Variants in NALF1 observed in about 807,000 individuals in gnomAD.
NALF1 encodes the protein NALCN channel auxiliary factor 1.
NALF1 carries 3 observed loss-of-function variants against 48.4 expected under a neutral mutation model. The ratio of observed to expected loss-of-function variants is 0.06; its 90% CI spans 0.03 to 0.16. NALF1 has a LOEUF of 0.16. Ranked by LOEUF, NALF1 falls within the 10% of genes least tolerant of loss-of-function variation. The pLI is 1.00. For synonymous variants in NALF1, 262 were observed against 245.7 expected (o/e 1.07, Z -0.62); for missense variants, 526 against 571.5 (o/e 0.92, Z 0.81).
chr13:107,592,573 G>A lies in NALF1; in HGVS notation c.915+273109C>T, dbSNP rs558225801. Among the ~76,000 whole-genome samples the A allele has an allele frequency of 4.0e-5, 6 of 151,894 alleles. No homozygotes were observed. In the East Asian group the frequency reaches 1.2e-3, roughly 29 times the overall value. On this transcript the variant is annotated intron_variant, in intron 1 of 2. Transcript: ENST00000375915. ...AAAAAATTAATAAATTCTACTAGCA[G>A]AATAAAAAATAGATAACTTTATTTC...
intron 1 of NALF1, among the ~76,000 whole-genome samples, chr13:107,579,653 T>G (rs542675541): frequency 7.9e-6 from 1 of 126,092 alleles, no homozygotes; most frequent in African/African-American, 3.0e-5. Context: ...CTATTTTTCT[T>G]TTTTTTTTTA....
intron 2 of NALF1, among the ~76,000 whole-genome samples, chr13:107,172,635 TATG>T (rs1878830389): frequency 6.6e-6 from 1 of 152,218 alleles, no homozygotes; most frequent in Non-Finnish European, 1.5e-5. Flanking sequence ...ATTTTTATTG[TATG>T]ATATTTTCTT....
chr13:107,273,033 C>T (rs1228475810), intron 1 of NALF1, among the ~76,000 whole-genome samples: 1 of 152,130 alleles, frequency 6.6e-6, no homozygotes, highest in Non-Finnish European at 1.5e-5. Context: ...CAGCAGAAGC[C>T]GGAAGGTCAC....
At chr13:107,535,689 C>T (rs1876783510) in intron 1 of NALF1, among the ~76,000 whole-genome samples, 1 of 152,164 alleles carries the variant, frequency 6.6e-6, no homozygotes, top group African/African-American at 2.4e-5. Flanking sequence ...CCCCATCAAG[C>T]TACCAATGAC....
intron 1 of NALF1, among the ~76,000 whole-genome samples, chr13:107,443,214 A>ATCTC (rs1555301339): frequency 2.4e-3 from 361 of 149,820 alleles, no homozygotes; most frequent in African/African-American, 8.6e-3. Flanking sequence ...CTATCTATCT[A>ATCTC]TCTATCGATA....
intron 1 of NALF1, among the ~76,000 whole-genome samples, chr13:107,678,755 T>A (rs549663939): frequency 1.2e-3 from 190 of 152,234 alleles, no homozygotes; most frequent in African/African-American, 4.5e-3. Flanking sequence ...GCTGAGTGAA[T>A]AGGGAAGAGC....
chr13:107,565,943 T>C (rs2138397335), intron 1 of NALF1, among the ~76,000 whole-genome samples: 1 of 152,312 alleles, frequency 6.6e-6, no homozygotes. Context: ...AAACGAAATG[T>C]TCCCAGTCCC....
chr13:107,623,928 G>A (rs752872259), intron 1 of NALF1, among the ~76,000 whole-genome samples: 7 of 152,158 alleles, frequency 4.6e-5, no homozygotes, highest in Non-Finnish European at 1.0e-4. Context: ...GCAAGACAGT[G>A]GATGAAAGTG....
At chr13:107,749,395 C>T (rs1190238651) in intron 1 of NALF1, among the ~76,000 whole-genome samples, 1 of 152,006 alleles carries the variant, frequency 6.6e-6, no homozygotes, top group Non-Finnish European at 1.5e-5. Flanking sequence ...CCCCGCCTAG[C>T]AAATGCAGTG....
At chr13:107,616,443 G>C (rs189241614) in intron 1 of NALF1, among the ~76,000 whole-genome samples, 2 of 152,260 alleles carry the variant, frequency 1.3e-5, no homozygotes, top group Non-Finnish European at 2.9e-5. Flanking sequence ...CAGGTTGTAA[G>C]CAGAACTTAT....
At chr13:107,311,888 G>T (rs1267189120) in intron 1 of NALF1, among the ~76,000 whole-genome samples, 2 of 152,138 alleles carry the variant, frequency 1.3e-5, no homozygotes, top group South Asian at 2.1e-4. Context: ...TCTCACACCA[G>T]TTAGAATGGC....
At chr13:107,341,845 T>C (rs1882688157) in intron 1 of NALF1, among the ~76,000 whole-genome samples, 1 of 150,858 alleles carries the variant, frequency 6.6e-6, no homozygotes, top group Non-Finnish European at 1.5e-5. Flanking sequence ...TATATACATA[T>C]ACAGACACAC....
intron 1 of NALF1, among the ~76,000 whole-genome samples, chr13:107,235,561 A>G (rs1385333917): frequency 1.3e-5 from 2 of 152,226 alleles, no homozygotes; most frequent in Admixed American, 1.3e-4. Context: ...TACTAAAAAC[A>G]AAGTAAGTTC....
At chr13:107,791,030 T>G (rs1396934421) in intron 1 of NALF1, among the ~76,000 whole-genome samples, 1 of 152,124 alleles carries the variant, frequency 6.6e-6, no homozygotes, top group Non-Finnish European at 1.5e-5. Context: ...ATGTTATTAG[T>G]CTCATATACT....
intron 1 of NALF1, among the ~76,000 whole-genome samples, chr13:107,264,856 G>A (rs78939142): frequency 0.021 from 3,140 of 152,246 alleles, 40 homozygotes; most frequent in Middle Eastern, 0.051. Flanking sequence ...AAATAGCTGC[G>A]TGCATGCTTC....
At chr13:107,325,349 C>T (rs999060266) in intron 1 of NALF1, among the ~76,000 whole-genome samples, 1 of 152,098 alleles carries the variant, frequency 6.6e-6, no homozygotes, top group African/African-American at 2.4e-5. Flanking sequence ...AATTCTTTCA[C>T]ATCTATTTTA....
At chr13:107,627,924 T>A (rs1274450893) in intron 1 of NALF1, among the ~76,000 whole-genome samples, 1 of 152,052 alleles carries the variant, frequency 6.6e-6, no homozygotes, top group Non-Finnish European at 1.5e-5. Context: ...ACTAAAAAAA[T>A]AATAATAAAT....
chr13:107,259,387 G>GA (rs2138852732), intron 1 of NALF1, among the ~76,000 whole-genome samples: 1 of 152,264 alleles, frequency 6.6e-6, no homozygotes, highest in African/African-American at 2.4e-5. Context: ...CAGAGATCAG[G>GA]AAAAACCGCA....
intron 2 of NALF1, among the ~76,000 whole-genome samples, chr13:107,175,987 ATAGG>A (rs1268908294): frequency 6.6e-6 from 1 of 152,012 alleles, no homozygotes; most frequent in Non-Finnish European, 1.5e-5. Context: ...TCACCCCCTC[ATAGG>A]TAGCATGCCT....
Sources: allele counts gnomAD v4.1 joint callset (sites outside exome capture counted in the v4.1 genomes callset), GRCh38; gene constraint gnomAD v4.1.1; transcripts MANE v1.5; gene names NCBI Gene and HGNC (gene_info 2026-07-23, HGNC 2026-07-21).